The following SEZ6L variants were observed in gnomAD, a reference collection of about 807,000 sequenced individuals.
The protein encoded by SEZ6L is seizure related 6 homolog like, also known as seizure 6-like protein.
Under a neutral mutation model 106.2 loss-of-function variants are expected in SEZ6L, and 37 were observed. That is an observed-to-expected ratio of 0.35 (90% CI 0.27 to 0.46). The LOEUF is 0.46. SEZ6L is among the 20% of genes least tolerant of loss of function. The pLI, the probability that SEZ6L is intolerant of heterozygous loss-of-function variation, is 1.00. For synonymous variants in SEZ6L, 541 were observed against 570.4 expected (o/e 0.95, Z 0.73); for missense variants, 1,172 against 1,332.8 (o/e 0.88, Z 1.88).
chr22:26,346,756 T>G (rs2083020529), intron 10 of SEZ6L, among the ~76,000 whole-genome samples: 1 of 152,156 alleles, frequency 6.6e-6, no homozygotes, highest in African/African-American at 2.4e-5. Flanking sequence ...TTGAGCATCC[T>G]CACAATATGG....
intron 1 of SEZ6L, among the ~76,000 whole-genome samples, chr22:26,249,085 GT>G (rs2079473951): frequency 6.6e-5 from 10 of 152,102 alleles, no homozygotes; most frequent in Admixed American, 6.5e-4. Flanking sequence ...GGGCTACAGC[GT>G]GATATTTCAA....
chr22:26,329,472 AAAAAAG>A (rs1221438290), intron 9 of SEZ6L, among the ~76,000 whole-genome samples: 5 of 152,224 alleles, frequency 3.3e-5, no homozygotes. Flanking sequence ...CATCTTTAAA[AAAAAAG>A]AAAAAGAAAA....
chr22:26,337,333 G>A (rs6005016), intron 9 of SEZ6L, among the ~76,000 whole-genome samples: 12,321 of 152,220 alleles, frequency 0.081, 792 homozygotes, highest in Admixed American at 0.23. Flanking sequence ...CTGCTACTGC[G>A]TTTTGGCCAT....
intron 5 of SEZ6L, among the ~76,000 whole-genome samples, chr22:26,305,345 G>A (rs1303874244): frequency 6.6e-6 from 1 of 152,176 alleles, no homozygotes; most frequent in Non-Finnish European, 1.5e-5. Flanking sequence ...GCGGATCAAA[G>A]TGTTTGAGCA....
At chr22:26,199,264 T>C (rs1940775836) in intron 1 of SEZ6L, among the ~76,000 whole-genome samples, 1 of 152,130 alleles carries the variant, frequency 6.6e-6, no homozygotes, top group South Asian at 2.1e-4. Flanking sequence ...TACCCAGCGC[T>C]CAAAGAACCC....
chr22:26,294,389 C>T lies in SEZ6L; in HGVS notation c.933C>T (p.Asn311=), dbSNP rs151335289. ...ACAACTTTCTGGAGTGCACATACAA[C>T]GTGACAGTCTACACTGGCTATGGGG... ...PLNNFLECTY[N]VTVYTGYGVE... Residue 311 remains asparagine, a synonymous_variant, in exon 3 of 17, where the codon AAC becomes AAT. Transcript: ENST00000248933. The T allele has an allele frequency of 2.0e-4, 320 of 1,614,000 alleles. No homozygotes were observed. The highest frequency in any genetic ancestry group is 2.6e-4 in the Non-Finnish European group (305 of 1,180,004).
At chr22:26,247,074 G>C (rs965608625) in intron 1 of SEZ6L, among the ~76,000 whole-genome samples, 1 of 152,144 alleles carries the variant, frequency 6.6e-6, no homozygotes, top group Non-Finnish European at 1.5e-5. Flanking sequence ...TCTGATATAT[G>C]AATAGGAAAA....
At position 26,284,085 on chromosome 22, in the gene SEZ6L, A is replaced by G. The variant is rs144660030; in HGVS notation, c.95-8321A>G. On this transcript the variant is annotated intron_variant, in intron 1 of 16. Coordinates refer to ENST00000248933, the MANE Select transcript of SEZ6L (RefSeq NM_021115.5). ...CATTTTACTGGCATGATTTCATTTT[A>G]CTCTCTAAAACTCCAAAAGACAAGG... Among the ~76,000 whole-genome samples the G allele has an allele frequency of 2.6e-3, 389 of 152,248 alleles. 11 individuals are homozygous for G. In the East Asian group the frequency reaches 0.043, roughly 17 times the overall value.
chr22:26,174,089 G>A (rs994185117), intron 1 of SEZ6L, among the ~76,000 whole-genome samples: 1 of 152,200 alleles, frequency 6.6e-6, no homozygotes, highest in African/African-American at 2.4e-5. Flanking sequence ...TGGCAGCCTA[G>A]CAAGAGACAT....
At position 26,340,578 on chromosome 22, in the gene SEZ6L, G is replaced by A; in HGVS notation, c.2158G>A (p.Asp720Asn). 1 of 1,614,170 alleles carries A rather than the reference G, an allele frequency of 6.2e-7. No homozygotes were observed. Among genetic ancestry groups the A allele is most frequent in the Non-Finnish European group, 8.5e-7 (1 of 1,180,028 alleles). The change falls in exon 10 of 17, where the codon GAC becomes AAC. Residue 720 changes from aspartate (D) to asparagine (N), a missense_variant. By Grantham distance (23) the Asp-to-Asn change is conservative. Transcript: ENST00000248933. ...TPDLTIQFHS[D>N]PAGLIFGKGQ... Reference sequence around the variant, plus strand: ...AGACTTAACCATCCAGTTCCATTCGGACCCTGCTGGCCTCATCTTTGGAAA... The same window carrying A: ...AGACTTAACCATCCAGTTCCATTCGAACCCTGCTGGCCTCATCTTTGGAAA...
chr22:26,365,765 T>C (rs1415879977), intron 13 of SEZ6L, among the ~76,000 whole-genome samples, 199 bp downstream of exon 13: 1 of 151,540 alleles, frequency 6.6e-6, no homozygotes, highest in Non-Finnish European at 1.5e-5. Context: ...TCCCAGCTAC[T>C]CGGGAGGCTG....
chr22:26,364,577 G>A (rs1273552096), intron 12 of SEZ6L, among the ~76,000 whole-genome samples: 1 of 152,174 alleles, frequency 6.6e-6, no homozygotes, highest in East Asian at 1.9e-4. Context: ...GGGTGTCTTA[G>A]GCTACCGGGT....
At chr22:26,290,145 C>A (rs73158607) in intron 1 of SEZ6L, among the ~76,000 whole-genome samples, 6,398 of 152,302 alleles carry the variant, frequency 0.042, 139 homozygotes, top group Middle Eastern at 0.065. Flanking sequence ...AAGTCATTAA[C>A]CAGCAATTGG....
intron 1 of SEZ6L, among the ~76,000 whole-genome samples, chr22:26,257,990 G>A (rs2079878474): frequency 6.6e-6 from 1 of 152,126 alleles, no homozygotes; most frequent in African/African-American, 2.4e-5. Context: ...CGCTTTATCT[G>A]CTTGCTCCTG....
At chr22:26,191,313 T>C (rs1671154362) in intron 1 of SEZ6L, among the ~76,000 whole-genome samples, 1 of 152,120 alleles carries the variant, frequency 6.6e-6, no homozygotes, top group South Asian at 2.1e-4. Flanking sequence ...CTATTCACAA[T>C]AGCAAAGACA....
intron 13 of SEZ6L, among the ~76,000 whole-genome samples, chr22:26,369,567 C>G (rs1230286542): frequency 6.6e-5 from 10 of 151,570 alleles, no homozygotes; most frequent in African/African-American, 2.4e-4. Context: ...GTCTCGATCT[C>G]CTGACCTCGT....
At chr22:26,372,907 A>G (rs959320219) in intron 13 of SEZ6L, among the ~76,000 whole-genome samples, 17 of 152,212 alleles carry the variant, frequency 1.1e-4, no homozygotes, top group East Asian at 9.6e-4. Flanking sequence ...TGGATTTTGT[A>G]TGAAGGTCTG....
intron 1 of SEZ6L, among the ~76,000 whole-genome samples, chr22:26,218,628 T>C (rs1386606116): frequency 6.6e-6 from 1 of 152,154 alleles, no homozygotes; most frequent in Non-Finnish European, 1.5e-5. Flanking sequence ...ATGGTGAAAC[T>C]CTGTCTCTAC....
In SEZ6L at chr22:26,169,631, C is replaced by T; in HGVS notation, c.-39C>T. On this transcript the variant is annotated 5_prime_UTR_variant, in exon 1 of 17. Coordinates refer to ENST00000248933, the MANE Select transcript of SEZ6L (RefSeq NM_021115.5). Reference sequence around the variant, plus strand: ...TTCCCCAGCTCCCTCGCCGTCCGCCCGCCCCACAGCCAGCGGCTCCGCGCC... The same window carrying T: ...TTCCCCAGCTCCCTCGCCGTCCGCCTGCCCCACAGCCAGCGGCTCCGCGCC... 1.3e-6 allele frequency: 1 copy of T among 798,176 alleles called. No individual in the cohort carries two copies. The highest frequency in any genetic ancestry group is 1.8e-6 in the Non-Finnish European group (1 of 564,034). The allele number at this position is 798,176 out of a possible 1,614,324, so 49.4% of individuals were successfully genotyped here.
Sources: allele counts gnomAD v4.1 joint callset (sites outside exome capture counted in the v4.1 genomes callset), GRCh38; gene constraint gnomAD v4.1.1; transcripts MANE v1.5; gene names NCBI Gene and HGNC (gene_info 2026-07-23, HGNC 2026-07-21).